The following E2F6 variants were observed in gnomAD, a reference collection of about 807,000 sequenced individuals.
The protein encoded by E2F6 is E2F transcription factor 6.
In E2F6, 19 loss-of-function variants were observed where a neutral mutation model predicts 31.5. The observed-to-expected ratio is 0.60, with a 90% CI of 0.42 to 0.89. The LOEUF is 0.89. Among genes scored for constraint, E2F6 ranks in the 40% least tolerant of loss-of-function variants. The pLI is 0.00. For missense variants in E2F6, 269 were observed against 341.6 expected, an observed-to-expected ratio of 0.79 and a Z score of 1.67; for synonymous variants, 121 against 127.7, an observed-to-expected ratio of 0.95 and a Z score of 0.36.
chr2:11,445,272 A>G lies in E2F6; in HGVS notation c.*1205T>C, dbSNP rs1317444011. 1.3e-5 allele frequency: 2 copies of G among 152,550 alleles called. No individual in the cohort carries two copies. Among genetic ancestry groups the G allele is most frequent in the Non-Finnish European group, 2.9e-5 (2 of 68,050 alleles). 9.4% of individuals were successfully genotyped at this position (152,550 alleles called of 1,614,324 possible). ...AACCAAATATTATTATTCTGATCTTACAATTCACTCACTCCACTCACTTAT... is the reference window on the plus strand; with the variant it reads ...AACCAAATATTATTATTCTGATCTTGCAATTCACTCACTCCACTCACTTAT... On this transcript the variant is annotated 3_prime_UTR_variant, in exon 7 of 7. Transcript: ENST00000381525.
chr2:11,448,152 T>C (rs1421106392), intron 5 of E2F6, among the ~76,000 whole-genome samples: 2 of 152,228 alleles, frequency 1.3e-5, no homozygotes, highest in African/African-American at 4.8e-5. Context: ...GGAAGGGCCA[T>C]TCTTTTGTCC....
intron 1 of E2F6, 112 bp from the exon 2 acceptor site, chr2:11,457,345 G>C (rs1671470532): frequency 8.5e-6 from 6 of 704,754 alleles, no homozygotes; most frequent in South Asian, 7.0e-5. Context: ...ATAATTACTG[G>C]CTGGGCAGAG....
At chr2:11,454,000 G>C (rs1671236101) in intron 2 of E2F6, among the ~76,000 whole-genome samples, 1 of 152,058 alleles carries the variant, frequency 6.6e-6, no homozygotes, top group Non-Finnish European at 1.5e-5. Context: ...CTAAACAAAG[G>C]CTTTAGATTT....
At chr2:11,454,121 ACT>A in intron 2 of E2F6, among the ~76,000 whole-genome samples, 1 of 152,146 alleles carries the variant, frequency 6.6e-6, no homozygotes, top group East Asian at 1.9e-4. Context: ...CATCCATACC[ACT>A]CTCAGGAATA....
chr2:11,458,860 T>G (rs1671583350), intron 1 of E2F6, among the ~76,000 whole-genome samples: 1 of 152,190 alleles, frequency 6.6e-6, no homozygotes, highest in African/African-American at 2.4e-5. Flanking sequence ...TGCTAGGGCA[T>G]GCAACACTGG....
intron 1 of E2F6, chr2:11,458,330 C>T (rs762222482): frequency 3.7e-5 from 58 of 1,551,584 alleles, no homozygotes; most frequent in Non-Finnish European, 5.1e-5. Context: ...GCCCAGCAAG[C>T]CAGATTTGCC....
chr2:11,450,204 CA>C, intron 4 of E2F6, 78 bp from the exon 5 acceptor site: 1 of 884,220 alleles, frequency 1.1e-6, no homozygotes, highest in Non-Finnish European at 1.8e-6. Context: ...TCAGTTAACG[CA>C]AGGGTAATGT....
intron 1 of E2F6, among the ~76,000 whole-genome samples, 169 bp from the exon 2 acceptor site, chr2:11,457,402 T>C (rs572991816): frequency 2.0e-5 from 3 of 152,254 alleles, no homozygotes; most frequent in African/African-American, 7.2e-5. Context: ...GGCAGGTGCA[T>C]CACTGAGGTG....
chr2:11,454,502 G>A (rs575707981), intron 2 of E2F6, among the ~76,000 whole-genome samples: 137 of 152,026 alleles, frequency 9.0e-4, no homozygotes, highest in Non-Finnish European at 1.3e-3. Flanking sequence ...GCACCAGCAC[G>A]CCTGGCTAAT....
intron 1 of E2F6, among the ~76,000 whole-genome samples, chr2:11,463,639 T>C (rs1671923329): frequency 6.7e-6 from 1 of 150,372 alleles, no homozygotes; most frequent in Non-Finnish European, 1.5e-5. Flanking sequence ...GTAGAGACGG[T>C]AGAAGAGAAC....
At chr2:11,458,032 T>C (rs1268260852) in intron 1 of E2F6, among the ~76,000 whole-genome samples, 1 of 152,238 alleles carries the variant, frequency 6.6e-6, no homozygotes, top group African/African-American at 2.4e-5. Flanking sequence ...ATAAAACTGG[T>C]AGTAACATTT....
Position 11,447,707 on chromosome 2 carries a change from T to C in E2F6, c.719A>G (p.Gln240Arg). 6.2e-7 allele frequency: 1 copy of C among 1,612,204 alleles called. No homozygotes were observed. The highest frequency in any genetic ancestry group is 8.5e-7 in the Non-Finnish European group (1 of 1,179,986). Reference protein sequence around the residue: ...PIDVYLCEVEQGQTSNKRSEG... With the variant: ...PIDVYLCEVERGQTSNKRSEG... ...AGACCTTTTGTTACTGGTCTGACCCTGCTCCACTTCACACAAATAGACATC... is the reference window on the plus strand; with the variant it reads ...AGACCTTTTGTTACTGGTCTGACCCCGCTCCACTTCACACAAATAGACATC... Residue 240 changes from glutamine to arginine, a missense_variant, in exon 6 of 7, where the codon CAG (glutamine) becomes CGG (arginine). Physicochemically the swap from Gln to Arg is conservative, Grantham distance 43 (BLOSUM62 1). Coordinates refer to ENST00000381525, the MANE Select transcript of E2F6 (RefSeq NM_198256.4).
chr2:11,465,910 C>A lies in E2F6; in HGVS notation c.-31G>T. ...CCGGCCGGGCGTCCTGCTCCCCTCG[C>A]ACCCCACGAGCTCTCCCGCCCTCTC... On this transcript the variant is annotated 5_prime_UTR_variant, in exon 1 of 7. Transcript: ENST00000381525. The A allele has an allele frequency of 6.6e-7, 1 of 1,506,306 alleles. No homozygotes were observed. The highest frequency in any genetic ancestry group is 2.0e-4 in the Middle Eastern group (1 of 4,942). The allele number at this position is 1,506,306 out of a possible 1,614,324, so 93.3% of individuals were successfully genotyped here. A position where few individuals can be genotyped will look rare whatever the true frequency, so the allele number is the denominator to read the frequency against.
chr2:11,445,225 C>T lies in E2F6; in HGVS notation c.*1252G>A, dbSNP rs1670646319. On this transcript the variant is annotated 3_prime_UTR_variant, in exon 7 of 7. Transcript: ENST00000381525. ...CTTTAAAAGCAATATTCAAACGATA[C>T]AGGAATCTTGTACGATAGACAAACC... The T allele has an allele frequency of 6.6e-6, 1 of 152,254 alleles. No individual in the cohort carries two copies. The highest frequency in any genetic ancestry group is 1.5e-5 in the Non-Finnish European group (1 of 68,036). The allele number at this position is 152,254 out of a possible 1,614,324, so 9.4% of individuals were successfully genotyped here. A position where few individuals can be genotyped will look rare whatever the true frequency, so the allele number is the denominator to read the frequency against.
rs754671847 is a variant in E2F6 at position 11,447,657 on chromosome 2, C to A, written c.769G>T (p.Glu257Ter). Residue 257 changes from glutamate (E) to a stop codon, truncating the protein, a stop_gained, in exon 6 of 7, where the codon GAG becomes TAG. Transcript: ENST00000381525. LOFTEE classifies it low-confidence loss of function (END_TRUNC). Reference sequence around the variant, plus strand: ...TCAGGGCCTTCTGGATGAGTGCTCTCAGATGAAGAGGTCCCGACACCTTCA... The same window carrying A: ...TCAGGGCCTTCTGGATGAGTGCTCTAAGATGAAGAGGTCCCGACACCTTCA... Reference protein sequence around the residue: ...RSEGVGTSSSESTHPEGPEEE... With the variant: ...RSEGVGTSSS 1 of 1,612,006 alleles carries A rather than the reference C, an allele frequency of 6.2e-7. No individual in the cohort carries two copies. The highest frequency in any genetic ancestry group is 8.5e-7 in the Non-Finnish European group (1 of 1,179,872).
At chr2:11,453,467 A>T in intron 3 of E2F6, 115 bp downstream of exon 3, 1 of 961,842 alleles carries the variant, frequency 1.0e-6, no homozygotes, top group Non-Finnish European at 1.6e-6. Context: ...TCTTCTAACA[A>T]GAAGTCGTAC....
rs561496470 is a variant in E2F6, at chr2:11,452,553, G to A, written c.381-747C>T. Among the ~76,000 whole-genome samples, 818 of 151,502 alleles carry A rather than the reference G, an allele frequency of 5.4e-3. 5 individuals are homozygous for A. Among genetic ancestry groups the A allele is most frequent in the South Asian group, 0.039 (186 of 4,806 alleles). On this transcript the variant is annotated intron_variant, in intron 3 of 6. Transcript: ENST00000381525. ...CAGGAGGTGGAGGTTGCAGTGAGCC[G>A]AGATTGTGCCACTATACTCCAGCCT...
In E2F6 at chr2:11,454,379, C is replaced by A. The variant is rs137997392; in HGVS notation, c.164-581G>T. 1.9e-4 allele frequency among the ~76,000 whole-genome samples: 28 copies of A among 149,608 alleles called. No individual in the cohort carries two copies. The South Asian group carries it at 5.7e-3, about 30-fold the overall frequency. On this transcript the variant is annotated intron_variant, in intron 2 of 6. Transcript: ENST00000381525. The stretch of plus-strand genomic sequence containing the variant: ...TTTTTTTTTTTTTTTGAGAGAGTCT[C>A]GCTCTGTTGCCCAGGCTGGAGCTGG...
rs1034217359 is a variant in E2F6, at chr2:11,447,498, A to G, written c.799+129T>C. 5 of 958,242 alleles carry G rather than the reference A, an allele frequency of 5.2e-6. No individual in the cohort carries two copies. The Admixed American group carries it at 9.1e-5, about 18-fold the overall frequency. 59.4% of individuals were successfully genotyped at this position (958,242 alleles called of 1,614,324 possible). A position where few individuals can be genotyped will look rare whatever the true frequency, so the allele number is the denominator to read the frequency against. On this transcript the variant is annotated intron_variant, in intron 6 of 6. Coordinates refer to ENST00000381525, the MANE Select transcript of E2F6 (RefSeq NM_198256.4). ...CAGAAATATTCTAAACTACAGTAAG[A>G]GTTATGCTGTAATTTTTTACTCATG...
Sources: gnomAD v4.1 joint callset for allele counts (sites outside exome capture counted in the v4.1 genomes callset) on GRCh38, gnomAD v4.1.1 for gene constraint, MANE v1.5 for transcripts, NCBI Gene and HGNC (gene_info 2026-07-23, HGNC 2026-07-21) for gene names.